The following LPCAT4 variants were observed in gnomAD, a reference collection of about 807,000 sequenced individuals.
The protein encoded by LPCAT4 is lysophosphatidylcholine acyltransferase 4.
A neutral mutation model predicts 66.5 loss-of-function variants in LPCAT4; 30 were observed. That is an observed-to-expected ratio of 0.45 (90% CI 0.34 to 0.61). The LOEUF (loss-of-function observed/expected upper bound fraction) is 0.61. Ranked by LOEUF, LPCAT4 falls within the 20% of genes least tolerant of loss-of-function variation. LPCAT4 has a pLI of 0.01. For missense variants in LPCAT4, 557 were observed against 656.7 expected, an observed-to-expected ratio of 0.85 and a Z score of 1.66; for synonymous variants, 253 against 262.1, an observed-to-expected ratio of 0.97 and a Z score of 0.34.
chr15:34,365,939 T>C (rs1013690601), intron 1 of LPCAT4: 2 of 486,338 alleles, frequency 4.1e-6, no homozygotes, highest in Middle Eastern at 5.5e-4. Context: ...AGTTGGTCCC[T>C]ACCCCATTTA....
chr15:34,360,925 T>C (rs1028233808), intron 11 of LPCAT4: 2 of 154,158 alleles, frequency 1.3e-5, no homozygotes, highest in African/African-American at 4.8e-5. Flanking sequence ...TTGCTAAGAA[T>C]CTTGAGAAAA....
chr15:34,365,304 A>G, intron 2 of LPCAT4, 76 bp from the exon 3 acceptor site: 1 of 1,439,136 alleles, frequency 6.9e-7, no homozygotes, highest in Non-Finnish European at 9.5e-7. Context: ...GACACCGGGA[A>G]AGTAGGGCAC....
At chr15:34,364,694 T>C (rs1334828942) in intron 3 of LPCAT4, 3 of 305,304 alleles carry the variant, frequency 9.8e-6, no homozygotes, top group Admixed American at 4.6e-5. Context: ...CCTCAGGTGA[T>C]CCGCCCGCCT....
At chr15:34,360,264 T>C in intron 11 of LPCAT4, 55 bp from the exon 12 acceptor site, 1 of 1,416,764 alleles carries the variant, frequency 7.1e-7, no homozygotes, top group Non-Finnish European at 1.0e-6. Context: ...CCCTTCCTGC[T>C]CTTTGGATTT....
At position 34,367,092 on chromosome 15, in the gene LPCAT4, C is replaced by G; in HGVS notation, c.9G>C (p.Gln3His). MS[Q>H]GSPGDWAPLD... ...GGGGGGCCCAGTCCCCCGGACTTCC[C>G]TGGCTCATGGCGGGAGAAGGTGGGA... The change falls in exon 1 of 14, where the codon CAG becomes CAC. Residue 3 changes from glutamine to histidine, a missense_variant. This residue lies in a region of LPCAT4 where 94 missense variants were observed against 71.5 expected (regional missense o/e 1.32). Coordinates refer to ENST00000314891, the MANE Select transcript of LPCAT4 (RefSeq NM_153613.3). The G allele has an allele frequency of 1.3e-6, 2 of 1,548,476 alleles. No homozygotes were observed. The highest frequency in any genetic ancestry group is 8.7e-7 in the Non-Finnish European group (1 of 1,146,052).
At position 34,365,805 on chromosome 15, in the gene LPCAT4, C is replaced by T. The variant is rs561372135; in HGVS notation, c.115-104G>A. 57 of 1,367,770 alleles carry T rather than the reference C, an allele frequency of 4.2e-5. No individual in the cohort carries two copies. In the African/African-American group the frequency reaches 7.7e-4, roughly 18 times the overall value. The allele number at this position is 1,367,770 out of a possible 1,614,324, so 84.7% of individuals were successfully genotyped here. A position where few individuals can be genotyped will look rare whatever the true frequency, so the allele number is the denominator to read the frequency against. Reference sequence around the variant, plus strand: ...ACCCAGGAGCAGACAGCCATCATCCCTTGCATGTGACAGGTGGTGTGGGAA... The same window carrying T: ...ACCCAGGAGCAGACAGCCATCATCCTTTGCATGTGACAGGTGGTGTGGGAA... On this transcript the variant is annotated intron_variant, in intron 1 of 13. Coordinates refer to ENST00000314891, the MANE Select transcript of LPCAT4 (RefSeq NM_153613.3).
intron 12 of LPCAT4, 169 bp from the exon 13 acceptor site, chr15:34,359,914 T>C (rs1890902042): frequency 1.2e-6 from 1 of 809,794 alleles, no homozygotes; most frequent in South Asian, 1.8e-5. Context: ...GCTTTTTCCT[T>C]CTTCTTCCTT....
Position 34,362,592 on chromosome 15 carries a change from C to T in LPCAT4, c.865G>A (p.Val289Ile), listed in dbSNP as rs775912593. 22 of 1,559,908 alleles carry T rather than the reference C, an allele frequency of 1.4e-5. No individual in the cohort carries two copies. Among genetic ancestry groups the T allele is most frequent in the Non-Finnish European group, 1.8e-5 (21 of 1,152,810 alleles). The stretch of plus-strand genomic sequence containing the variant: ...ACTCACTGTGCCATGACCCTCTGAA[C>T]ATTGTTGGCATAGAGGGTGGGGTCC... ...SRDPTLYANNVQRVMAQALGI... is the reference protein window; with the variant it reads ...SRDPTLYANNIQRVMAQALGI... Residue 289 changes from valine to isoleucine, a missense_variant, in exon 9 of 14, where the codon GTT becomes ATT. This residue lies in a region of LPCAT4 where 392 missense variants were observed against 473.9 expected (regional missense o/e 0.83). Transcript: ENST00000314891.
chr15:34,362,109 C>A (rs1168957176), intron 10 of LPCAT4, 87 bp downstream of exon 10: 4 of 1,462,124 alleles, frequency 2.7e-6, no homozygotes, highest in Non-Finnish European at 2.8e-6. Context: ...TAAGATTTTC[C>A]TTCTTCCTTC....
At chr15:34,361,964 G>A (rs7403630) in intron 10 of LPCAT4, among the ~76,000 whole-genome samples, 52,577 of 152,140 alleles carry the variant, frequency 0.35, 10,749 homozygotes, top group Non-Finnish European at 0.45. Context: ...CTCCCAAAGT[G>A]CTGGGATTAC....
At position 34,364,235 on chromosome 15, in the gene LPCAT4, C is replaced by T; in HGVS notation, c.550G>A (p.Glu184Lys). 1 of 1,614,074 alleles carries T rather than the reference C, an allele frequency of 6.2e-7. No homozygotes were observed. The highest frequency in any genetic ancestry group is 8.5e-7 in the Non-Finnish European group (1 of 1,179,930). ...DPASRRRVVE[E>K]VRRRATSGGK... ...CCTGAGGTGGCCCGCCTTCGGACCT[C>T]CTCCACCACTCTGCGTCGAGAAGCC... Residue 184 changes from glutamate to lysine, a missense_variant, in exon 4 of 14, where the codon GAG (glutamate) becomes AAG (lysine). By Grantham distance (56) the Glu-to-Lys change is moderately conservative. Around this residue, in one of 4 missense-constraint regions of LPCAT4, gnomAD observed 392 missense variants for 473.9 expected, o/e 0.83. Coordinates refer to ENST00000314891, the MANE Select transcript of LPCAT4 (RefSeq NM_153613.3).
chr15:34,366,164 G>A lies in LPCAT4; in HGVS notation c.115-463C>T, dbSNP rs3751578. On this transcript the variant is annotated intron_variant, in intron 1 of 13. Transcript: ENST00000314891. ...AGGCAGAGGGCTGTAAACAGCCAGA[G>A]GTCCAGTTTTCAGACCCGAGGTCAT... Among the ~76,000 whole-genome samples the A allele has an allele frequency of 1.2e-4, 19 of 152,286 alleles. No individual in the cohort carries two copies. In the East Asian group the frequency reaches 3.7e-3, roughly 29 times the overall value.
chr15:34,366,842 C>T (rs987704393), intron 1 of LPCAT4, 145 bp downstream of exon 1: 6 of 1,292,342 alleles, frequency 4.6e-6, no homozygotes, highest in Non-Finnish European at 5.4e-6. Context: ...CGGCCGCCCC[C>T]ACGTGCGCAC....
intron 1 of LPCAT4, 65 bp downstream of exon 1, chr15:34,366,922 G>C: frequency 6.5e-7 from 1 of 1,529,286 alleles, no homozygotes; most frequent in Admixed American, 2.0e-5. Flanking sequence ...ACCTTTGCCA[G>C]GGCTCAAATG....
chr15:34,361,272 A>T, intron 11 of LPCAT4, 128 bp downstream of exon 11: 1 of 1,507,536 alleles, frequency 6.6e-7, no homozygotes, highest in Non-Finnish European at 8.8e-7. Context: ...GGGGATGGCC[A>T]TCTAACAACA....
At chr15:34,364,103 A>G in intron 4 of LPCAT4, 30 bp from the exon 5 acceptor site, 1 of 1,604,076 alleles carries the variant, frequency 6.2e-7, no homozygotes, top group Non-Finnish European at 8.5e-7. Context: ...AATGAGGTGA[A>G]GAAGACTGAA....
Position 34,367,085 on chromosome 15 carries a change from G to C in LPCAT4, c.16C>G (p.Pro6Ala). ...GGATCTAGGGGGGCCCAGTCCCCCG[G>C]ACTTCCCTGGCTCATGGCGGGAGAA... MSQGS[P>A]GDWAPLDPTP... The change falls in exon 1 of 14, where the codon CCG becomes GCG. Residue 6 changes from proline to alanine, a missense_variant. Coordinates refer to ENST00000314891, the MANE Select transcript of LPCAT4 (RefSeq NM_153613.3). 6.5e-7 allele frequency: 1 copy of C among 1,549,886 alleles called. No homozygotes were observed. Among genetic ancestry groups the C allele is most frequent in the East Asian group, 2.4e-5 (1 of 41,796 alleles).
rs1890910668 is a variant in LPCAT4 at position 34,360,201 on chromosome 15, C to T, written c.1152G>A (p.Lys384=). ...CCACATCTCGGAAGTCCACCAAACCCTTGGTATCCTGGTGTGAAAAAGAAA... is the reference window on the plus strand; with the variant it reads ...CCACATCTCGGAAGTCCACCAAACCTTTGGTATCCTGGTGTGAAAAAGAAA... ...GAFGYFQQDT[K]GLVDFRDVAL... The change falls in exon 12 of 14, where the codon AAG becomes AAA. Residue 384 remains lysine, a synonymous_variant. Transcript: ENST00000314891. 6.2e-7 allele frequency: 1 copy of T among 1,614,090 alleles called. No individual in the cohort carries two copies. Among genetic ancestry groups the T allele is most frequent in the Admixed American group, 1.7e-5 (1 of 60,022 alleles).
At position 34,363,829 on chromosome 15, in the gene LPCAT4, T is replaced by TA. The variant is rs1891006011; in HGVS notation, c.653-111_653-110insT. 7.1e-7 allele frequency: 1 copy of TA among 1,401,914 alleles called. No homozygotes were observed. Among genetic ancestry groups the TA allele is most frequent in the African/African-American group, 1.4e-5 (1 of 70,668 alleles). The allele number at this position is 1,401,914 out of a possible 1,614,324, so 86.8% of individuals were successfully genotyped here. ...GACAGTTCTCAAATGAGATATGGTT[T>TA]TGTTCCACTCATTGATAATTTTCTC... is the stretch of plus-strand genomic sequence containing the variant. On this transcript the variant is annotated intron_variant, in intron 5 of 13. Transcript: ENST00000314891. This position sits in a 1 kb window ranked among gnomAD's most constrained non-coding sequence, Gnocchi z 4.3.
Sources: allele counts gnomAD v4.1 joint callset (sites outside exome capture counted in the v4.1 genomes callset), GRCh38; gene constraint gnomAD v4.1.1; regional missense constraint gnomAD v4.1.1; non-coding constraint Gnocchi (gnomAD v3.1); transcripts MANE v1.5; gene names NCBI Gene and HGNC (gene_info 2026-07-23, HGNC 2026-07-21).